Variants in RNF4 observed in about 807,000 individuals in gnomAD.
RNF4 encodes the protein ring finger protein 4.
RNF4 carries 7 observed loss-of-function variants against 24.3 expected under a neutral mutation model. The observed-to-expected ratio is 0.29, with a 90% CI of 0.16 to 0.54. The LOEUF is 0.54. Among genes scored for constraint, RNF4 ranks in the 20% least tolerant of loss-of-function variants. The pLI is 0.95. For synonymous variants in RNF4, 83 were observed against 84.3 expected (o/e 0.98, Z 0.09); for missense variants, 209 against 248.5 (o/e 0.84, Z 1.07).
intron 4 of RNF4, 103 bp downstream of exon 4, chr4:2,500,841 C>A: frequency 2.9e-6 from 3 of 1,052,452 alleles, no homozygotes; most frequent in Non-Finnish European, 4.3e-6. Context: ...AAGGTTACAG[C>A]TTATGCTAAA....
intron 4 of RNF4, among the ~76,000 whole-genome samples, chr4:2,501,100 G>A (rs1034342731): frequency 2.6e-5 from 4 of 152,174 alleles, no homozygotes; most frequent in African/African-American, 9.7e-5. Context: ...TGATTCCACA[G>A]TTTACACCAG....
chr4:2,489,275 C>G (rs989235900), intron 1 of RNF4, among the ~76,000 whole-genome samples: 1 of 152,132 alleles, frequency 6.6e-6, no homozygotes, highest in Non-Finnish European at 1.5e-5. Flanking sequence ...GTAGGGTAGA[C>G]GGGCACCCAG....
chr4:2,484,872 C>G (rs892095750), intron 1 of RNF4, among the ~76,000 whole-genome samples: 1 of 152,114 alleles, frequency 6.6e-6, no homozygotes. Context: ...TGTTCAGTCT[C>G]CCATCTGTTC....
intron 1 of RNF4, among the ~76,000 whole-genome samples, chr4:2,476,111 A>T (rs968155870): frequency 6.6e-6 from 1 of 152,136 alleles, no homozygotes; most frequent in African/African-American, 2.4e-5. Flanking sequence ...TATTTTTCCT[A>T]AGTTTTCTCC....
rs1390007622 is a variant in RNF4, at chr4:2,499,204, A to G, written c.125-1455A>G. The G allele has an allele frequency of 1.5e-5, 6 of 394,064 alleles. No homozygotes were observed. In the Admixed American group the frequency reaches 1.9e-4, roughly 12 times the overall value. 24.4% of individuals were successfully genotyped at this position (394,064 alleles called of 1,614,324 possible). A position where few individuals can be genotyped will look rare whatever the true frequency, so the allele number is the denominator to read the frequency against. On this transcript the variant is annotated intron_variant, in intron 3 of 7. Transcript: ENST00000314289. ...AGAGCGAGACTCTGTCTCAAAAAAA[A>G]AAAGTTAAATGCATTACAAGACACT...
At chr4:2,486,360 T>A (rs746630331) in intron 1 of RNF4, among the ~76,000 whole-genome samples, 1 of 152,134 alleles carries the variant, frequency 6.6e-6, no homozygotes. Context: ...CTCCATTCAC[T>A]CTGCATTTCT....
chr4:2,502,465 C>G (rs1735938831), intron 4 of RNF4, among the ~76,000 whole-genome samples: 1 of 152,118 alleles, frequency 6.6e-6, no homozygotes, highest in Admixed American at 6.5e-5. Flanking sequence ...GTGGGCGGAC[C>G]ACAAGGTCAG....
intron 1 of RNF4, chr4:2,480,524 T>C (rs3108496): frequency 0.88 from 133,922 of 151,690 alleles, 59,228 homozygotes; most frequent in South Asian, 0.94. Context: ...CTGCCCACCT[T>C]GGCCTCCCAG....
chr4:2,499,054 G>A (rs922987657), intron 3 of RNF4, among the ~76,000 whole-genome samples: 4 of 151,882 alleles, frequency 2.6e-5, no homozygotes, highest in East Asian at 3.9e-4. Flanking sequence ...AAAATTAGAC[G>A]GGCGTGGTGG....
chr4:2,502,307 AG>A (rs1388456615), intron 4 of RNF4, among the ~76,000 whole-genome samples: 4 of 152,206 alleles, frequency 2.6e-5, no homozygotes, highest in African/African-American at 9.7e-5. Flanking sequence ...TTTTGACTGC[AG>A]GAAGACAATG....
chr4:2,488,080 C>G (rs1735465279), intron 1 of RNF4, among the ~76,000 whole-genome samples: 1 of 152,234 alleles, frequency 6.6e-6, no homozygotes, highest in Admixed American at 6.5e-5. Flanking sequence ...GCCCTAGATT[C>G]TGCACAGAGG....
At chr4:2,503,058 T>C (rs1035312774) in intron 4 of RNF4, among the ~76,000 whole-genome samples, 1 of 151,978 alleles carries the variant, frequency 6.6e-6, no homozygotes, top group African/African-American at 2.4e-5. Context: ...AATATTTTTG[T>C]AGAGACAGGG....
In RNF4 at chr4:2,513,148, G is replaced by A. The variant is rs1244492003; in HGVS notation, c.423+17G>A. On this transcript the variant is annotated intron_variant, in intron 7 of 7. Coordinates refer to ENST00000314289, the MANE Select transcript of RNF4 (RefSeq NM_002938.5). ...TACTCAGAGGTAAGTAAACCAAGCT[G>A]TATCTTCCAGGCTTCTGGTTTCTAA... 3 of 1,611,274 alleles carry A rather than the reference G, an allele frequency of 1.9e-6. No homozygotes were observed. The South Asian group carries it at 3.3e-5, about 18-fold the overall frequency.
At chr4:2,477,688 G>A (rs1055085895) in intron 1 of RNF4, among the ~76,000 whole-genome samples, 2 of 152,090 alleles carry the variant, frequency 1.3e-5, no homozygotes, top group East Asian at 3.9e-4. Flanking sequence ...GCTTCTCCTT[G>A]CCTTCCGCCA....
At position 2,512,714 on chromosome 4, in the gene RNF4, A is replaced by G; in HGVS notation, c.374+117A>G. Reference sequence around the variant, plus strand: ...CCTGGAAGGGCTTGCCCAAGCCTCTACCCAGCATCTGGATACAGTTGGAAC... The same window carrying G: ...CCTGGAAGGGCTTGCCCAAGCCTCTGCCCAGCATCTGGATACAGTTGGAAC... On this transcript the variant is annotated intron_variant, in intron 6 of 7. Transcript: ENST00000314289. The surrounding 1 kb of genome is among the most constrained non-coding windows in gnomAD (Gnocchi z 4.1). 8.4e-7 allele frequency: 1 copy of G among 1,194,894 alleles called. No homozygotes were observed. Among genetic ancestry groups the G allele is most frequent in the Non-Finnish European group, 1.2e-6 (1 of 862,684 alleles). The allele number at this position is 1,194,894 out of a possible 1,614,324, so 74.0% of individuals were successfully genotyped here.
intron 2 of RNF4, among the ~76,000 whole-genome samples, chr4:2,491,371 C>T (rs1004771257): frequency 2.6e-5 from 4 of 151,992 alleles, no homozygotes; most frequent in Admixed American, 2.0e-4. Context: ...CACATAGCTG[C>T]GATTACAGGC....
In RNF4 at chr4:2,501,951, A is replaced by G. The variant is rs112447155; in HGVS notation, c.204+1213A>G. On this transcript the variant is annotated intron_variant, in intron 4 of 7. Coordinates refer to ENST00000314289, the MANE Select transcript of RNF4 (RefSeq NM_002938.5). ...CAGGGATGGAAAACCATCTGAGATA[A>G]GCAGCAGTGGGTTTAGTTGTACGTG... Among the ~76,000 whole-genome samples the G allele has an allele frequency of 6.1e-3, 930 of 152,340 alleles. 4 individuals carry two copies. Among genetic ancestry groups the G allele is most frequent in the Non-Finnish European group, 9.1e-3 (619 of 68,026 alleles).
chr4:2,472,224 A>G (rs1734929326), intron 1 of RNF4, among the ~76,000 whole-genome samples: 1 of 152,196 alleles, frequency 6.6e-6, no homozygotes, highest in Admixed American at 6.5e-5. Context: ...GATCATTGAA[A>G]CAGGAAAGCC....
At chr4:2,489,277 G>A (rs866966861) in intron 1 of RNF4, among the ~76,000 whole-genome samples, 1 of 152,276 alleles carries the variant, frequency 6.6e-6, no homozygotes, top group East Asian at 1.9e-4. Flanking sequence ...AGGGTAGACG[G>A]GCACCCAGGG....
Sources: allele counts gnomAD v4.1 joint callset (sites outside exome capture counted in the v4.1 genomes callset), GRCh38; gene constraint gnomAD v4.1.1; non-coding constraint Gnocchi (gnomAD v3.1); transcripts MANE v1.5; gene names NCBI Gene and HGNC (gene_info 2026-07-23, HGNC 2026-07-21).